Variants in UNC5C observed in about 807,000 individuals in gnomAD.
UNC5C encodes the protein unc-5 netrin receptor C.
UNC5C carries 47 observed loss-of-function variants against 99.8 expected under a neutral mutation model. The observed-to-expected ratio is 0.47, with a 90% CI of 0.37 to 0.60. The LOEUF is 0.60. UNC5C is among the 20% of genes least tolerant of loss of function. UNC5C has a pLI of 0.00. For missense variants in UNC5C, 1,062 were observed against 1,165.9 expected (o/e 0.91, Z 1.30); for synonymous variants, 487 against 452.2 (o/e 1.08, Z -0.98).
chr4:95,542,414 C>T (rs149302739), intron 1 of UNC5C, among the ~76,000 whole-genome samples: 226 of 152,234 alleles, frequency 1.5e-3, no homozygotes, highest in African/African-American at 5.0e-3. Context: ...CTATACTGAC[C>T]TAAGGACAAA....
Position 95,548,808 on chromosome 4 carries a change from C to G in UNC5C, c.50G>C (p.Gly17Ala). Residue 17 changes from glycine to alanine, a missense_variant, in exon 1 of 16, where the codon GGA becomes GCA. Around this residue, in one of 3 missense-constraint regions of UNC5C, gnomAD observed 249 missense variants for 295.1 expected, o/e 0.84. Coordinates refer to ENST00000453304, the MANE Select transcript of UNC5C (RefSeq NM_003728.4). ...ATAARCGLGL[G>A]YLLQMLVLPA... ...TAGCACGAGCATTTGCAGCAAGTAT[C>G]CCAGTCCCAGTCCGCAGCGGGCCGC... 9.9e-6 allele frequency: 16 copies of G among 1,613,546 alleles called. No individual in the cohort carries two copies. The highest frequency in any genetic ancestry group is 1.4e-5 in the Non-Finnish European group (16 of 1,179,968).
chr4:95,415,727 G>T (rs1465829220), intron 1 of UNC5C, among the ~76,000 whole-genome samples: 1 of 152,012 alleles, frequency 6.6e-6, no homozygotes, highest in African/African-American at 2.4e-5. Context: ...TTCGTGGATT[G>T]CTATAATTTA....
intron 1 of UNC5C, among the ~76,000 whole-genome samples, chr4:95,473,508 T>C (rs76112892): frequency 6.6e-6 from 1 of 152,256 alleles, no homozygotes; most frequent in East Asian, 1.9e-4. Context: ...CTTTAGACTT[T>C]GTGATAAGAG....
chr4:95,227,600 T>TA (rs935381199), intron 7 of UNC5C, among the ~76,000 whole-genome samples: 1 of 152,246 alleles, frequency 6.6e-6, no homozygotes, highest in Non-Finnish European at 1.5e-5. Context: ...GGCTATGTCT[T>TA]AAACAGTCCA....
chr4:95,303,151 G>A (rs913596056), intron 2 of UNC5C, among the ~76,000 whole-genome samples: 3 of 152,058 alleles, frequency 2.0e-5, no homozygotes, highest in Non-Finnish European at 4.4e-5. Flanking sequence ...ACAAGAAAGG[G>A]TCTAGTTTAC....
At chr4:95,388,991 T>G (rs1438572560) in intron 1 of UNC5C, among the ~76,000 whole-genome samples, 1 of 152,194 alleles carries the variant, frequency 6.6e-6, no homozygotes, top group African/African-American at 2.4e-5. Flanking sequence ...TTTAACATTT[T>G]TTTCAAAAAT....
intron 1 of UNC5C, among the ~76,000 whole-genome samples, chr4:95,375,573 G>T (rs1410901989): frequency 6.6e-6 from 1 of 152,248 alleles, no homozygotes; most frequent in East Asian, 1.9e-4. Flanking sequence ...AAAAGTTTTT[G>T]ATGACATTTA....
At chr4:95,545,563 A>C (rs1002266486) in intron 1 of UNC5C, among the ~76,000 whole-genome samples, 1 of 152,032 alleles carries the variant, frequency 6.6e-6, no homozygotes, top group African/African-American at 2.4e-5. Flanking sequence ...AAAAAAAAAA[A>C]CTATGAATTA....
chr4:95,279,538 T>C (rs1261383807), intron 3 of UNC5C, among the ~76,000 whole-genome samples: 1 of 152,250 alleles, frequency 6.6e-6, no homozygotes, highest in African/African-American at 2.4e-5. Flanking sequence ...TTAGTCTAAT[T>C]TCTAAAGTTA....
intron 12 of UNC5C, among the ~76,000 whole-genome samples, chr4:95,198,374 AG>A (rs1560727843): frequency 6.6e-6 from 1 of 152,144 alleles, no homozygotes; most frequent in Non-Finnish European, 1.5e-5. Flanking sequence ...GTAGTCAGAA[AG>A]GGGGAGTCTG....
intron 12 of UNC5C, among the ~76,000 whole-genome samples, chr4:95,191,441 G>A (rs1158243489): frequency 6.6e-6 from 1 of 152,136 alleles, no homozygotes; most frequent in Non-Finnish European, 1.5e-5. Flanking sequence ...GCACAGTGGT[G>A]ATTTTGTGCC....
At chr4:95,471,971 G>C (rs1219321458) in intron 1 of UNC5C, among the ~76,000 whole-genome samples, 9 of 152,098 alleles carry the variant, frequency 5.9e-5, no homozygotes, top group African/African-American at 2.2e-4. Context: ...TGTGCAGAAA[G>C]AATCACATTA....
chr4:95,499,648 G>C (rs558774830), intron 1 of UNC5C, among the ~76,000 whole-genome samples: 1 of 152,196 alleles, frequency 6.6e-6, no homozygotes, highest in Non-Finnish European at 1.5e-5. Context: ...AAAGGGAGGA[G>C]CACAGGAGTC....
At chr4:95,356,570 A>C (rs933827659) in intron 1 of UNC5C, among the ~76,000 whole-genome samples, 4 of 152,144 alleles carry the variant, frequency 2.6e-5, no homozygotes, top group Non-Finnish European at 5.9e-5. Flanking sequence ...ATAAACAAAA[A>C]TCCAAGTTGT....
At chr4:95,280,279 G>GA (rs1741009073) in intron 3 of UNC5C, among the ~76,000 whole-genome samples, 1 of 152,208 alleles carries the variant, frequency 6.6e-6, no homozygotes, top group Non-Finnish European at 1.5e-5. Context: ...AAGGTTGTGA[G>GA]AAAATCATAG....
intron 1 of UNC5C, among the ~76,000 whole-genome samples, chr4:95,380,909 G>A (rs1168668703): frequency 6.6e-6 from 1 of 152,088 alleles, no homozygotes; most frequent in Non-Finnish European, 1.5e-5. Flanking sequence ...CAACTGCAGT[G>A]TGAAAGTTCA....
intron 1 of UNC5C, among the ~76,000 whole-genome samples, chr4:95,439,532 A>C (rs758188694): frequency 1.3e-5 from 2 of 152,202 alleles, no homozygotes; most frequent in African/African-American, 2.4e-5. Flanking sequence ...CTGGAAACAA[A>C]ATATTTTATT....
chr4:95,224,852 AT>A lies in UNC5C; in HGVS notation c.1109-4677del, dbSNP rs36082817. ...GGCCAACTTAGGGAATTAAGGAAGA[AT>A]TTTTTTTTTTTAATTGAGATGAAAT... is the stretch of plus-strand genomic sequence containing the variant. On this transcript the variant is annotated intron_variant, in intron 7 of 15. Coordinates refer to ENST00000453304, the MANE Select transcript of UNC5C (RefSeq NM_003728.4). 6.5e-3 allele frequency among the ~76,000 whole-genome samples: 969 copies of A among 148,814 alleles called. 10 individuals are homozygous for A. The highest frequency in any genetic ancestry group is 0.022 in the African/African-American group (889 of 40,614).
rs78484095 is a variant in UNC5C, at chr4:95,343,298, G to A, written c.125-7667C>T. Among the ~76,000 whole-genome samples, 6,307 of 152,140 alleles carry A rather than the reference G, an allele frequency of 0.041. 742 individuals carry two copies. In the East Asian group the frequency reaches 0.5, roughly 12 times the overall value. ...TATGTCACCCCTCTTCAAGCTCTAGGCAGCTCAGTAGACAGAGAAGGAGAC... is the reference window on the plus strand; with the variant it reads ...TATGTCACCCCTCTTCAAGCTCTAGACAGCTCAGTAGACAGAGAAGGAGAC... On this transcript the variant is annotated intron_variant, in intron 1 of 15. Coordinates refer to ENST00000453304, the MANE Select transcript of UNC5C (RefSeq NM_003728.4).
Sources: allele counts gnomAD v4.1 joint callset (sites outside exome capture counted in the v4.1 genomes callset), GRCh38; gene constraint gnomAD v4.1.1; regional missense constraint gnomAD v4.1.1; transcripts MANE v1.5; gene names NCBI Gene and HGNC (gene_info 2026-07-23, HGNC 2026-07-21).